Variants in GOLM2 observed in about 807,000 individuals in gnomAD.
GOLM2 encodes the protein golgi membrane protein 2, also known as protein GOLM2.
Under a neutral mutation model 55.9 loss-of-function variants are expected in GOLM2, and 26 were observed. The ratio of observed to expected loss-of-function variants is 0.47; its 90% confidence interval spans 0.34 to 0.65. The LOEUF (loss-of-function observed/expected upper bound fraction) is 0.65. Ranked by LOEUF, GOLM2 falls within the 30% of genes least tolerant of loss-of-function variation. The pLI is 0.01. For missense variants in GOLM2, 486 were observed against 531.8 expected, an observed-to-expected ratio of 0.91 and a Z score of 0.85; for synonymous variants, 165 against 194.6, an observed-to-expected ratio of 0.85 and a Z score of 1.27.
At chr15:44,313,147 G>C (rs1454490118) in intron 1 of GOLM2, among the ~76,000 whole-genome samples, 1 of 152,050 alleles carries the variant, frequency 6.6e-6, no homozygotes, top group Non-Finnish European at 1.5e-5. Flanking sequence ...TACTTGGGAG[G>C]CTGAGGCAGG....
intron 1 of GOLM2, among the ~76,000 whole-genome samples, chr15:44,304,679 G>A (rs1461642754): frequency 6.6e-6 from 1 of 152,128 alleles, no homozygotes; most frequent in Admixed American, 6.5e-5. Context: ...TCAGCCTCCT[G>A]AGTAGCTGGG....
intron 6 of GOLM2, among the ~76,000 whole-genome samples, chr15:44,361,219 G>GA: frequency 6.6e-6 from 1 of 152,028 alleles, no homozygotes; most frequent in Admixed American, 6.6e-5. Context: ...AGAACTGAAG[G>GA]AAAAAGAGAC....
chr15:44,397,171 A>G (rs1366309616), intron 8 of GOLM2, among the ~76,000 whole-genome samples: 1 of 152,086 alleles, frequency 6.6e-6, no homozygotes, highest in African/African-American at 2.4e-5. Flanking sequence ...GAAGTCTACT[A>G]TTTAATTCCT....
At chr15:44,344,039 C>T (rs2079106057) in intron 6 of GOLM2, among the ~76,000 whole-genome samples, 1 of 151,434 alleles carries the variant, frequency 6.6e-6, no homozygotes, top group African/African-American at 2.4e-5. Flanking sequence ...GCGGGAGGGT[C>T]GCTTGAACCC....
In GOLM2 at chr15:44,289,365, G is replaced by T; in HGVS notation, c.327+9G>T. 1.2e-6 allele frequency: 2 copies of T among 1,603,780 alleles called. No individual in the cohort carries two copies. Among genetic ancestry groups the T allele is most frequent in the South Asian group, 2.2e-5 (2 of 90,034 alleles). ...GATGCGAGGATGACAAGGTAAGGAC[G>T]ACCCTTTTCTCTTCAAACCCCATGG... On this transcript the variant is annotated intron_variant, in intron 1 of 9. Coordinates refer to ENST00000299957, the MANE Select transcript of GOLM2 (RefSeq NM_138423.4). The surrounding 1 kb of genome is among the most constrained non-coding windows in gnomAD (Gnocchi z 4.8).
At chr15:44,409,745 A>T (rs566089066) in intron 9 of GOLM2, 1 of 138,256 alleles carries the variant, frequency 7.2e-6, no homozygotes, top group African/African-American at 2.7e-5. Flanking sequence ...CGTCTCTACT[A>T]AAAAAAAAAA....
At chr15:44,379,502 A>ATGAAT (rs2141192961) in intron 6 of GOLM2, among the ~76,000 whole-genome samples, 188 bp from the exon 7 acceptor site, 1 of 152,136 alleles carries the variant, frequency 6.6e-6, no homozygotes, top group Admixed American at 6.6e-5. Flanking sequence ...AAATTCTGTG[A>ATGAAT]TGAATGGTAC....
At chr15:44,334,342 A>C (rs2141143460) in intron 4 of GOLM2, among the ~76,000 whole-genome samples, 1 of 152,342 alleles carries the variant, frequency 6.6e-6, no homozygotes, top group East Asian at 1.9e-4. Context: ...CATAGAGACA[A>C]ATCCAATGTT....
intron 6 of GOLM2, among the ~76,000 whole-genome samples, chr15:44,347,488 C>A (rs879320835): frequency 2.0e-5 from 3 of 152,110 alleles, no homozygotes; most frequent in Non-Finnish European, 4.4e-5. Context: ...CAGCCAATGC[C>A]CACAGAGGAA....
intron 1 of GOLM2, among the ~76,000 whole-genome samples, chr15:44,301,557 T>C (rs1007874630): frequency 1.3e-5 from 2 of 152,098 alleles, no homozygotes; most frequent in African/African-American, 4.8e-5. Context: ...GAGCAGGGGC[T>C]ATGAGGGGAA....
At position 44,414,829 on chromosome 15, in the gene GOLM2, A is replaced by G. The variant is rs189878887; in HGVS notation, c.*1423A>G. 262 of 152,748 alleles carry G rather than the reference A, an allele frequency of 1.7e-3. 2 individuals carry two copies. Among genetic ancestry groups the G allele is most frequent in the African/African-American group, 6.1e-3 (254 of 41,582 alleles). 9.5% of individuals were successfully genotyped at this position (152,748 alleles called of 1,614,324 possible). On this transcript the variant is annotated 3_prime_UTR_variant, in exon 10 of 10. Coordinates refer to ENST00000299957, the MANE Select transcript of GOLM2 (RefSeq NM_138423.4). ...AAGCTTATATTTGCTAGACTTACAA[A>G]TTATTTTAAATGCATTTATCTTTTT...
In GOLM2 at chr15:44,379,548, A is replaced by G; in HGVS notation, c.803-142A>G. ...TTAGTAACTGTAAATAAATTAGCATACCAACTATAAGGATTACAAAATTAG... is the reference window on the plus strand; with the variant it reads ...TTAGTAACTGTAAATAAATTAGCATGCCAACTATAAGGATTACAAAATTAG... On this transcript the variant is annotated intron_variant, in intron 6 of 9. Transcript: ENST00000299957. The G allele has an allele frequency of 4.9e-6, 3 of 616,470 alleles. No homozygotes were observed. The South Asian group carries it at 6.1e-5, about 12-fold the overall frequency. The allele number at this position is 616,470 out of a possible 1,614,324, so 38.2% of individuals were successfully genotyped here.
chr15:44,403,000 G>A lies in GOLM2; in HGVS notation c.1186G>A (p.Glu396Lys). Residue 396 changes from glutamate to lysine, a missense_variant, in exon 9 of 10, where the codon GAG becomes AAG. By Grantham distance (56) the Glu-to-Lys change is moderately conservative. Transcript: ENST00000299957. Reference protein sequence around the residue: ...VGEYEADKQAELAYNEEEDGD... With the variant: ...VGEYEADKQAKLAYNEEEDGD... ...TGAGTATGAGGCAGACAAGCAGGCT[G>A]AGCTGGCTTACAATGAGGAAGAAGA... is the stretch of plus-strand genomic sequence containing the variant. The A allele has an allele frequency of 6.2e-7, 1 of 1,614,094 alleles. No individual in the cohort carries two copies. Among genetic ancestry groups the A allele is most frequent in the East Asian group, 2.2e-5 (1 of 44,870 alleles).
At chr15:44,383,973 C>T (rs1176963388) in intron 8 of GOLM2, among the ~76,000 whole-genome samples, 3 of 152,108 alleles carry the variant, frequency 2.0e-5, no homozygotes, top group Non-Finnish European at 4.4e-5. Flanking sequence ...GCCACCATTG[C>T]CCAGCCCCGT....
At chr15:44,402,746 C>G in intron 8 of GOLM2, 141 bp from the exon 9 acceptor site, 1 of 635,850 alleles carries the variant, frequency 1.6e-6, no homozygotes, top group Admixed American at 3.0e-5. Flanking sequence ...TCTTGGATAA[C>G]CTTCACAAAA....
In GOLM2 at chr15:44,380,868, C is replaced by T; in HGVS notation, c.964C>T (p.Gln322Ter). ...AAAACAGAATCCTTCCAGTCCTCTT[C>T]AGCGTTTAATTCCAGGCTCAAACTT... Reference protein sequence around the residue: ...TSKQNPSSPLQRLIPGSNLDS... With the variant: ...TSKQNPSSPL Residue 322 changes from glutamine to a stop codon, truncating the protein, a stop_gained, in exon 8 of 10, where the codon CAG becomes TAG. Coordinates refer to ENST00000299957, the MANE Select transcript of GOLM2 (RefSeq NM_138423.4). LOFTEE classifies it high-confidence loss of function. 1 of 1,598,382 alleles carries T rather than the reference C, an allele frequency of 6.3e-7. No homozygotes were observed. The highest frequency in any genetic ancestry group is 8.5e-7 in the Non-Finnish European group (1 of 1,171,874).
intron 6 of GOLM2, among the ~76,000 whole-genome samples, chr15:44,349,438 G>A (rs1020492087): frequency 6.6e-6 from 1 of 152,074 alleles, no homozygotes; most frequent in African/African-American, 2.4e-5. Context: ...TCAGCAATGG[G>A]ATATAACAGT....
At chr15:44,392,951 A>G (rs1212175354) in intron 8 of GOLM2, among the ~76,000 whole-genome samples, 1 of 152,196 alleles carries the variant, frequency 6.6e-6, no homozygotes, top group Non-Finnish European at 1.5e-5. Context: ...AATTCTCAAA[A>G]ACCTTCCCTT....
intron 2 of GOLM2, among the ~76,000 whole-genome samples, chr15:44,327,077 A>G (rs940771495): frequency 1.3e-5 from 2 of 151,012 alleles, no homozygotes; most frequent in Non-Finnish European, 3.0e-5. Context: ...CAGCCTCCCA[A>G]GTAGCTGGGA....
Sources: gnomAD v4.1 joint callset for allele counts (sites outside exome capture counted in the v4.1 genomes callset) on GRCh38, gnomAD v4.1.1 for gene constraint, Gnocchi (gnomAD v3.1) non-coding constraint, MANE v1.5 for transcripts, NCBI Gene and HGNC (gene_info 2026-07-23, HGNC 2026-07-21) for gene names.